GRIA3: variants seen among roughly 807,000 people sequenced by gnomAD.
The protein encoded by GRIA3 is glutamate ionotropic receptor AMPA type subunit 3.
A neutral mutation model predicts 63.0 loss-of-function variants in GRIA3; 3 were observed. That is an observed-to-expected ratio of 0.05 (90% CI 0.02 to 0.12). GRIA3 has a LOEUF of 0.12. GRIA3 is among the 10% of genes least tolerant of loss of function. The pLI is 1.00. For missense variants in GRIA3, 347 were observed against 700.9 expected (o/e 0.50, Z 5.70); for synonymous variants, 274 against 257.9 (o/e 1.06, Z -0.60).
At chrX:123,188,079 A>C (rs1251401415) in intron 2 of GRIA3, among the ~76,000 whole-genome samples, 1 of 111,914 alleles carries the variant, frequency 8.9e-6, no homozygotes, top group African/African-American at 3.3e-5. Context: ...GAAAATGAAA[A>C]CGTGACCTTG....
intron 5 of GRIA3, among the ~76,000 whole-genome samples, chrX:123,373,391 T>C (rs1488978970): frequency 1.8e-5 from 2 of 111,896 alleles, no homozygotes; most frequent in Non-Finnish European, 3.8e-5. Flanking sequence ...AGTAATGAGA[T>C]GGCTGGGTCA....
At chrX:123,363,578 C>A (rs1485354805) in intron 5 of GRIA3, among the ~76,000 whole-genome samples, 1 of 112,141 alleles carries the variant, frequency 8.9e-6, no homozygotes, top group East Asian at 2.8e-4. Context: ...AGTTGTGTAA[C>A]CAGTGTCTAT....
At chrX:123,342,446 A>G (rs912832720) in intron 4 of GRIA3, among the ~76,000 whole-genome samples, 3 of 112,105 alleles carry the variant, frequency 2.7e-5, no homozygotes, top group African/African-American at 9.7e-5. Context: ...CTTTTAATTA[A>G]CTAGCTAAAT....
At position 123,490,572 on chromosome X, in the gene GRIA3, A is replaced by G. The variant is rs1295098756; in HGVS notation, c.*1862A>G. On this transcript the variant is annotated 3_prime_UTR_variant, in exon 16 of 16. Transcript: ENST00000620443. ...AGAAAAATGTATGTTTATTAACTCA[A>G]ATCAGTTTTTCAGAGAGGAAACGTC... 5 of 112,412 alleles carry G rather than the reference A, an allele frequency of 4.4e-5. No individual in the cohort carries two copies. Among genetic ancestry groups the G allele is most frequent in the African/African-American group, 9.7e-5 (3 of 30,819 alleles). 9.3% of individuals were successfully genotyped at this position (112,412 alleles called of 1,213,427 possible). A position where few individuals can be genotyped will look rare whatever the true frequency, so the allele number is the denominator to read the frequency against.
intron 3 of GRIA3, among the ~76,000 whole-genome samples, chrX:123,282,483 A>C (rs1316048818): frequency 8.9e-6 from 1 of 112,575 alleles, no homozygotes; most frequent in African/African-American, 3.2e-5. Context: ...GAAATAGGAA[A>C]ACCCTCTGCT....
chrX:123,376,406 G>T (rs551709871), intron 5 of GRIA3, among the ~76,000 whole-genome samples: 3 of 112,036 alleles, frequency 2.7e-5, no homozygotes, highest in South Asian at 7.5e-4. Context: ...TACATCCTGG[G>T]TATTTGGTAG....
intron 4 of GRIA3, among the ~76,000 whole-genome samples, chrX:123,327,030 G>C: frequency 9.1e-6 from 1 of 109,841 alleles, no homozygotes; most frequent in Non-Finnish European, 1.9e-5. Flanking sequence ...ACTGGGCGTG[G>C]TGGCGGGTGC....
intron 12 of GRIA3, among the ~76,000 whole-genome samples, chrX:123,459,402 C>A (rs890580992): frequency 6.3e-5 from 7 of 111,869 alleles, no homozygotes; most frequent in African/African-American, 2.3e-4. Flanking sequence ...GCCCAAGATT[C>A]AAATCTTCAC....
chrX:123,421,565 A>G (rs139249117), intron 11 of GRIA3, among the ~76,000 whole-genome samples: 176 of 112,561 alleles, frequency 1.6e-3, no homozygotes, highest in African/African-American at 5.5e-3. Flanking sequence ...TGCATTATAC[A>G]CTCTGACTTT....
chrX:123,337,219 G>A (rs1204815389), intron 4 of GRIA3, among the ~76,000 whole-genome samples: 2 of 111,684 alleles, frequency 1.8e-5, no homozygotes, highest in Admixed American at 1.9e-4. Context: ...CACCATAAAG[G>A]TTTAGATTTG....
intron 12 of GRIA3, among the ~76,000 whole-genome samples, chrX:123,437,874 C>T (rs2045654163): frequency 9.0e-6 from 1 of 111,637 alleles, no homozygotes; most frequent in Non-Finnish European, 1.9e-5. Context: ...GGGAAGATTG[C>T]CGTTGTTATA....
intron 3 of GRIA3, among the ~76,000 whole-genome samples, chrX:123,280,934 G>T (rs1421052304): frequency 9.0e-6 from 1 of 111,613 alleles, no homozygotes; most frequent in Non-Finnish European, 1.9e-5. Flanking sequence ...ACTCTCGGGA[G>T]ACTGACTCTT....
chrX:123,184,900 C>T (rs1927214791), intron 1 of GRIA3: 1 of 471,752 alleles, frequency 2.1e-6, no homozygotes, highest in Admixed American at 2.7e-5. Flanking sequence ...GCTAGGTTTT[C>T]CGAGCCGAGA....
At chrX:123,293,134 G>A (rs781449350) in intron 3 of GRIA3, among the ~76,000 whole-genome samples, 7 of 110,473 alleles carry the variant, frequency 6.3e-5, no homozygotes, top group East Asian at 5.8e-4. Flanking sequence ...AGATAGACAC[G>A]GAAGAGTAGG....
intron 2 of GRIA3, among the ~76,000 whole-genome samples, chrX:123,186,266 T>C (rs781651526): frequency 9.0e-6 from 1 of 110,834 alleles, no homozygotes; most frequent in East Asian, 2.8e-4. Context: ...ACCTAGTGTG[T>C]TCCTTCTCCA....
chrX:123,459,125 T>C (rs979831047), intron 12 of GRIA3, among the ~76,000 whole-genome samples: 2 of 111,866 alleles, frequency 1.8e-5, no homozygotes, highest in Admixed American at 1.9e-4. Flanking sequence ...CTTTGAAGTA[T>C]ACACTTAAAA....
chrX:123,249,651 T>C (rs1185379006), intron 2 of GRIA3, among the ~76,000 whole-genome samples: 1 of 111,002 alleles, frequency 9.0e-6, no homozygotes, highest in Non-Finnish European at 1.9e-5. Flanking sequence ...ATGAAAGGAG[T>C]CAAATGTTTC....
intron 2 of GRIA3, among the ~76,000 whole-genome samples, chrX:123,237,490 C>T (rs2044307794): frequency 8.9e-6 from 1 of 112,164 alleles, no homozygotes; most frequent in African/African-American, 3.2e-5. Flanking sequence ...AGTTACCTCA[C>T]TCACATGTCC....
chrX:123,369,428 T>A (rs1265198854), intron 5 of GRIA3, among the ~76,000 whole-genome samples: 4 of 111,746 alleles, frequency 3.6e-5, no homozygotes, highest in Non-Finnish European at 7.5e-5. Context: ...CATTCATCCC[T>A]TTTTTCCCAG....
Sources: allele counts gnomAD v4.1 joint callset (sites outside exome capture counted in the v4.1 genomes callset), GRCh38; gene constraint gnomAD v4.1.1; transcripts MANE v1.5; gene names NCBI Gene and HGNC (gene_info 2026-07-23, HGNC 2026-07-21).